The following FER1L6 variants were observed in gnomAD, a reference collection of about 807,000 sequenced individuals.
The protein encoded by FER1L6 is fer-1 like family member 6, also known as fer-1-like protein 6.
FER1L6 carries 177 observed loss-of-function variants against 219.2 expected under a neutral mutation model. The ratio of observed to expected loss-of-function variants is 0.81; its 90% CI spans 0.71 to 0.91. FER1L6 has a LOEUF of 0.91. Ranked by LOEUF, FER1L6 falls within the 40% of genes least tolerant of loss-of-function variation. The pLI is 0.00. For synonymous variants in FER1L6, 768 were observed against 824.3 expected, an observed-to-expected ratio of 0.93 and a Z score of 1.17; for missense variants, 2,153 against 2,259.9, an observed-to-expected ratio of 0.95 and a Z score of 0.96.
At position 123,870,792 on chromosome 8, in the gene FER1L6, T is replaced by C. The variant is rs1310132080; in HGVS notation, c.-8+18607T>C. Among the ~76,000 whole-genome samples the C allele has an allele frequency of 1.5e-4, 23 of 152,174 alleles. 1 individual carries two copies. Among genetic ancestry groups the C allele is most frequent in the Admixed American group, 1.5e-3 (23 of 15,274 alleles). ...TTACAGCAGTAAGAGTGGACCTTGA[T>C]ATATACAAATTTAAATAATCATGTA... On this transcript the variant is annotated intron_variant, in intron 1 of 40. Transcript: ENST00000522917.
At chr8:124,000,365 G>A (rs1310306420) in intron 12 of FER1L6, among the ~76,000 whole-genome samples, 1 of 152,144 alleles carries the variant, frequency 6.6e-6, no homozygotes, top group African/African-American at 2.4e-5. Flanking sequence ...CCTGATTGCT[G>A]GTTCTTATGA....
chr8:124,102,301 T>C (rs141998003), intron 38 of FER1L6, among the ~76,000 whole-genome samples: 10 of 152,294 alleles, frequency 6.6e-5, no homozygotes, highest in African/African-American at 2.2e-4. Context: ...ACTCAAGTGA[T>C]AGTCCTGCAA....
intron 13 of FER1L6, among the ~76,000 whole-genome samples, chr8:124,009,891 G>T (rs1315658739): frequency 6.6e-6 from 1 of 151,850 alleles, no homozygotes; most frequent in African/African-American, 2.4e-5. Context: ...CGAAGGTCAG[G>T]TAGCTGGCAA....
At chr8:123,896,588 A>C (rs1418598213) in intron 1 of FER1L6, among the ~76,000 whole-genome samples, 1 of 152,098 alleles carries the variant, frequency 6.6e-6, no homozygotes, top group East Asian at 1.9e-4. Context: ...TCTCATTTTA[A>C]AGCGTCTATT....
At chr8:123,942,071 C>G (rs1322258724) in intron 1 of FER1L6, among the ~76,000 whole-genome samples, 1 of 152,026 alleles carries the variant, frequency 6.6e-6, no homozygotes, top group Non-Finnish European at 1.5e-5. Context: ...GAGCCCAGGC[C>G]CCTTCCTTTG....
At chr8:124,105,937 A>T (rs1330992529) in intron 39 of FER1L6, among the ~76,000 whole-genome samples, 1 of 152,186 alleles carries the variant, frequency 6.6e-6, no homozygotes, top group Non-Finnish European at 1.5e-5. Flanking sequence ...CATTTATGTG[A>T]AATGCTCAGA....
intron 5 of FER1L6, among the ~76,000 whole-genome samples, chr8:123,969,183 A>G (rs1332780218): frequency 6.6e-6 from 1 of 152,180 alleles, no homozygotes; most frequent in African/African-American, 2.4e-5. Flanking sequence ...CATCTTTTAA[A>G]TTCTTTAGTC....
intron 20 of FER1L6, among the ~76,000 whole-genome samples, chr8:124,041,967 A>G (rs937675303): frequency 1.3e-5 from 2 of 152,186 alleles, no homozygotes; most frequent in Non-Finnish European, 2.9e-5. Flanking sequence ...AGGATAAAAT[A>G]CCCAGGACAG....
chr8:124,030,514 C>T (rs1818910475), intron 18 of FER1L6, among the ~76,000 whole-genome samples: 1 of 152,058 alleles, frequency 6.6e-6, no homozygotes, highest in Non-Finnish European at 1.5e-5. Flanking sequence ...AATTCATCAC[C>T]GAAAGGAAAC....
chr8:124,067,566 T>G (rs748901839), intron 27 of FER1L6, among the ~76,000 whole-genome samples: 16 of 152,320 alleles, frequency 1.1e-4, no homozygotes, highest in Non-Finnish European at 2.1e-4. Context: ...TGCGGATACC[T>G]CTTTTTTAGG....
Position 124,060,242 on chromosome 8 carries a change from C to G in FER1L6, c.2937C>G (p.Tyr979Ter). 1 of 1,614,164 alleles carries G rather than the reference C, an allele frequency of 6.2e-7. No homozygotes were observed. The highest frequency in any genetic ancestry group is 8.5e-7 in the Non-Finnish European group (1 of 1,180,004). Residue 979 changes from tyrosine to a stop codon, truncating the protein, a stop_gained, in exon 23 of 41, where the codon TAC becomes TAG. Coordinates refer to ENST00000522917, the MANE Select transcript of FER1L6 (RefSeq NM_001039112.2). LOFTEE classifies it high-confidence loss of function. ...PVEPPDITQI[Y>*]PVPANIRPVL... ...AGCCACCAGACATCACCCAGATCTA[C>G]CCGGTTCCTGCCAACATTCGGCCGG...
chr8:124,030,606 G>T (rs1460281301), intron 18 of FER1L6, among the ~76,000 whole-genome samples: 2 of 151,972 alleles, frequency 1.3e-5, no homozygotes, highest in Admixed American at 1.3e-4. Flanking sequence ...TTAGCTCTGG[G>T]CTGAGTCCAC....
chr8:124,089,652 T>A (rs1029219870), intron 33 of FER1L6, among the ~76,000 whole-genome samples: 1 of 152,240 alleles, frequency 6.6e-6, no homozygotes, highest in South Asian at 2.1e-4. Flanking sequence ...GGCATAATTT[T>A]AAAAATATTT....
chr8:123,867,332 A>G (rs1340989791), intron 1 of FER1L6, among the ~76,000 whole-genome samples: 1 of 152,230 alleles, frequency 6.6e-6, no homozygotes, highest in Non-Finnish European at 1.5e-5. Context: ...AAAAATAACT[A>G]GCTCAACCTG....
intron 12 of FER1L6, among the ~76,000 whole-genome samples, chr8:123,988,202 A>G (rs954721928): frequency 1.6e-4 from 24 of 152,186 alleles, no homozygotes; most frequent in African/African-American, 5.6e-4. Flanking sequence ...TTGTTATGCC[A>G]GTACCACACT....
chr8:123,858,728 G>GT (rs1480751258), intron 1 of FER1L6, among the ~76,000 whole-genome samples: 1 of 152,236 alleles, frequency 6.6e-6, no homozygotes, highest in East Asian at 1.9e-4. Context: ...CAGGAAGAAG[G>GT]TGAGACGGCT....
intron 1 of FER1L6, among the ~76,000 whole-genome samples, chr8:123,892,730 A>G (rs983516325): frequency 6.6e-6 from 1 of 152,168 alleles, no homozygotes; most frequent in Admixed American, 6.5e-5. Context: ...CTGTGATTCT[A>G]TTTTGTTGTA....
intron 1 of FER1L6, among the ~76,000 whole-genome samples, chr8:123,932,462 G>A (rs1442719198): frequency 6.6e-6 from 1 of 152,120 alleles, no homozygotes; most frequent in Admixed American, 6.5e-5. Flanking sequence ...CTCATTTTCT[G>A]TTTAAAATAG....
At chr8:124,097,215 C>A in intron 35 of FER1L6, 56 bp from the exon 36 acceptor site, 1 of 1,271,878 alleles carries the variant, frequency 7.9e-7, no homozygotes, top group South Asian at 1.2e-5. Flanking sequence ...TTATCAATTA[C>A]CCATGTCCCC....
Sources: allele counts gnomAD v4.1 joint callset (sites outside exome capture counted in the v4.1 genomes callset), GRCh38; gene constraint gnomAD v4.1.1; transcripts MANE v1.5; gene names NCBI Gene and HGNC (gene_info 2026-07-23, HGNC 2026-07-21).